ARHGAP6: variants seen among roughly 807,000 people sequenced by gnomAD.
The protein encoded by ARHGAP6 is Rho GTPase activating protein 6.
Under a neutral mutation model 55.7 loss-of-function variants are expected in ARHGAP6, and 16 were observed. That is an observed-to-expected ratio of 0.29 (90% CI 0.19 to 0.44). The LOEUF (loss-of-function observed/expected upper bound fraction) is 0.44, where lower values mean the gene tolerates loss of function less well. Ranked by LOEUF, ARHGAP6 falls within the 20% of genes least tolerant of loss-of-function variation. ARHGAP6 has a pLI of 1.00. For missense variants in ARHGAP6, 698 were observed against 808.9 expected, an observed-to-expected ratio of 0.86 and a Z score of 1.66; for synonymous variants, 382 against 360.9, an observed-to-expected ratio of 1.06 and a Z score of -0.66.
At chrX:11,569,423 T>G (rs767148093) in intron 1 of ARHGAP6, among the ~76,000 whole-genome samples, 1 of 111,939 alleles carries the variant, frequency 8.9e-6, no homozygotes, top group African/African-American at 3.2e-5. Context: ...GGGTGGCTAG[T>G]GCAGGTGCTG....
chrX:11,536,724 C>T (rs1337502750), intron 1 of ARHGAP6, among the ~76,000 whole-genome samples: 1 of 112,226 alleles, frequency 8.9e-6, no homozygotes, highest in Non-Finnish European at 1.9e-5. Flanking sequence ...TGGACAAAAA[C>T]GTAACTAAAG....
intron 1 of ARHGAP6, among the ~76,000 whole-genome samples, chrX:11,404,221 C>G (rs1297512858): frequency 9.0e-6 from 1 of 111,154 alleles, no homozygotes; most frequent in African/African-American, 3.3e-5. Flanking sequence ...TGTCTTGTCC[C>G]CCTACCATTG....
chrX:11,326,985 TA>T (rs984362257), intron 1 of ARHGAP6, among the ~76,000 whole-genome samples: 1 of 111,406 alleles, frequency 9.0e-6, no homozygotes, highest in East Asian at 2.8e-4. Flanking sequence ...ACATTAAATC[TA>T]AAAAAAACCC....
At chrX:11,464,348 T>C (rs1303230429) in intron 1 of ARHGAP6, among the ~76,000 whole-genome samples, 1 of 112,410 alleles carries the variant, frequency 8.9e-6, no homozygotes, top group Non-Finnish European at 1.9e-5. Context: ...GCTCATATGA[T>C]TAATTTTTCT....
intron 1 of ARHGAP6, among the ~76,000 whole-genome samples, chrX:11,381,326 T>C (rs1038835367): frequency 2.7e-5 from 3 of 112,545 alleles, no homozygotes; most frequent in African/African-American, 9.7e-5. Flanking sequence ...TCTATCTCTA[T>C]GATCATGAAG....
chrX:11,507,121 T>C (rs2050742625), intron 1 of ARHGAP6, among the ~76,000 whole-genome samples: 1 of 112,069 alleles, frequency 8.9e-6, no homozygotes, highest in Non-Finnish European at 1.9e-5. Flanking sequence ...TAATATACTC[T>C]TGAACCCCTA....
At chrX:11,290,790 C>G (rs2047981254) in intron 1 of ARHGAP6, among the ~76,000 whole-genome samples, 1 of 111,899 alleles carries the variant, frequency 8.9e-6, no homozygotes, top group South Asian at 3.7e-4. Context: ...AACCCCAAAA[C>G]AAACCAAACA....
intron 1 of ARHGAP6, among the ~76,000 whole-genome samples, chrX:11,444,239 T>C (rs1343562928): frequency 3.6e-5 from 4 of 112,314 alleles, no homozygotes; most frequent in African/African-American, 9.7e-5. Flanking sequence ...TGTGGTTGTG[T>C]CCCAATAAAA....
chrX:11,610,449 T>C (rs2052089073), intron 1 of ARHGAP6, among the ~76,000 whole-genome samples: 1 of 110,955 alleles, frequency 9.0e-6, no homozygotes, highest in Non-Finnish European at 1.9e-5. Flanking sequence ...AAATGACCCA[T>C]CCAAATTCAC....
intron 1 of ARHGAP6, among the ~76,000 whole-genome samples, chrX:11,614,011 G>A (rs978424961): frequency 2.5e-4 from 28 of 111,741 alleles, no homozygotes; most frequent in African/African-American, 8.5e-4. Context: ...CCACATCCAG[G>A]GCTCCCAGAC....
At chrX:11,148,894 C>T (rs1449073758) in intron 10 of ARHGAP6, 2 of 232,686 alleles carry the variant, frequency 8.6e-6, no homozygotes, top group Non-Finnish European at 1.6e-5. Context: ...ATTGTATCAT[C>T]CATCTTGGAT....
intron 3 of ARHGAP6, among the ~76,000 whole-genome samples, 162 bp from the exon 4 acceptor site, chrX:11,189,146 C>T (rs1398722688): frequency 2.7e-5 from 3 of 111,858 alleles, no homozygotes; most frequent in African/African-American, 9.7e-5. Flanking sequence ...ATCAGAATGG[C>T]CCAAGTTTCC....
intron 2 of ARHGAP6, among the ~76,000 whole-genome samples, chrX:11,210,466 C>G (rs189521998): frequency 1.4e-3 from 162 of 112,477 alleles, no homozygotes; most frequent in African/African-American, 4.9e-3. Context: ...TGAATTTCTG[C>G]TATAACAGTC....
chrX:11,450,075 A>G (rs2050129637), intron 1 of ARHGAP6, among the ~76,000 whole-genome samples: 2 of 111,804 alleles, frequency 1.8e-5, no homozygotes, highest in South Asian at 7.6e-4. Flanking sequence ...ACAACAAGGC[A>G]GTTTGTTCTT....
chrX:11,456,342 T>G (rs967720911), intron 1 of ARHGAP6, among the ~76,000 whole-genome samples: 1 of 111,696 alleles, frequency 9.0e-6, no homozygotes, highest in Non-Finnish European at 1.9e-5. Flanking sequence ...ATTATTTTCC[T>G]TTGAAGTTGC....
chrX:11,248,402 G>T (rs768016401), intron 2 of ARHGAP6, among the ~76,000 whole-genome samples: 57 of 111,947 alleles, frequency 5.1e-4, no homozygotes, highest in Middle Eastern at 4.6e-3. Flanking sequence ...GCAATAAAAA[G>T]AAAGATAAAT....
intron 1 of ARHGAP6, among the ~76,000 whole-genome samples, chrX:11,366,152 A>T (rs2049075294): frequency 8.9e-6 from 1 of 112,251 alleles, no homozygotes; most frequent in African/African-American, 3.2e-5. Context: ...AGGCTTCAAC[A>T]TAGGAATTTT....
chrX:11,423,713 G>A (rs1485288394), intron 1 of ARHGAP6, among the ~76,000 whole-genome samples: 2 of 112,629 alleles, frequency 1.8e-5, no homozygotes, highest in Admixed American at 9.3e-5. Context: ...TGACAGCAGG[G>A]ACAAGACACA....
intron 1 of ARHGAP6, among the ~76,000 whole-genome samples, chrX:11,598,946 T>C (rs937502474): frequency 1.8e-5 from 2 of 110,784 alleles, no homozygotes; most frequent in African/African-American, 6.6e-5. Context: ...TGTTTCCAGA[T>C]ACTTGGGAGG....
Sources: allele counts gnomAD v4.1 joint callset (sites outside exome capture counted in the v4.1 genomes callset), GRCh38; gene constraint gnomAD v4.1.1; transcripts MANE v1.5; gene names NCBI Gene and HGNC (gene_info 2026-07-23, HGNC 2026-07-21).